Variants in FHL5 observed in about 807,000 individuals in gnomAD.
The protein encoded by FHL5 is four and a half LIM domains protein 5.
A neutral mutation model predicts 32.0 loss-of-function variants in FHL5; 33 were observed. The observed-to-expected ratio is 1.03, with a 90% CI of 0.78 to 1.38. FHL5 has a LOEUF of 1.38. Among genes scored for constraint, FHL5 ranks in the 40% most tolerant of loss-of-function variants. FHL5 has a pLI of 0.00. For missense variants in FHL5, 336 were observed against 343.9 expected, an observed-to-expected ratio of 0.98 and a Z score of 0.18; for synonymous variants, 114 against 113.6, an observed-to-expected ratio of 1.00 and a Z score of -0.02.
chr6:96,595,705 C>A (rs554916169), intron 1 of FHL5, among the ~76,000 whole-genome samples: 2 of 151,772 alleles, frequency 1.3e-5, no homozygotes, highest in South Asian at 4.2e-4. Flanking sequence ...TCAACTGATT[C>A]TAATCTGCAT....
At chr6:96,592,064 G>A (rs994069474) in intron 1 of FHL5, among the ~76,000 whole-genome samples, 10 of 152,136 alleles carry the variant, frequency 6.6e-5, no homozygotes, top group African/African-American at 2.2e-4. Flanking sequence ...TGCTAATGAA[G>A]TTTCGGGCAC....
At chr6:96,566,993 A>T (rs1216091641) in intron 1 of FHL5, among the ~76,000 whole-genome samples, 1 of 151,812 alleles carries the variant, frequency 6.6e-6, no homozygotes. Flanking sequence ...TTAGTTTGAC[A>T]TAATTTCATT....
chr6:96,583,500 C>T (rs142010776), intron 1 of FHL5, among the ~76,000 whole-genome samples: 89 of 152,192 alleles, frequency 5.8e-4, no homozygotes, highest in African/African-American at 2.0e-3. Context: ...TGTCACGATA[C>T]GGTAGCCTCC....
intron 1 of FHL5, among the ~76,000 whole-genome samples, chr6:96,577,176 T>C (rs1770601076): frequency 6.6e-6 from 1 of 152,192 alleles, no homozygotes; most frequent in Non-Finnish European, 1.5e-5. Context: ...ACCAACATCA[T>C]CAACAAATTT....
intron 3 of FHL5, among the ~76,000 whole-genome samples, chr6:96,605,157 C>T (rs987618716): frequency 6.6e-6 from 1 of 152,148 alleles, no homozygotes; most frequent in African/African-American, 2.4e-5. Flanking sequence ...TTCATAGAAA[C>T]ATTTCAAACC....
intron 1 of FHL5, among the ~76,000 whole-genome samples, chr6:96,578,413 G>A (rs1770627320): frequency 6.6e-6 from 1 of 152,180 alleles, no homozygotes; most frequent in South Asian, 2.1e-4. Context: ...AACGAGAAAT[G>A]TAAGTTGTCT....
At chr6:96,566,625 A>G (rs922226982) in intron 1 of FHL5, among the ~76,000 whole-genome samples, 2 of 151,906 alleles carry the variant, frequency 1.3e-5, no homozygotes, top group African/African-American at 4.8e-5. Flanking sequence ...CAAATAACAT[A>G]TAAGAGTTTG....
At chr6:96,600,991 C>G (rs138481627) in intron 1 of FHL5, among the ~76,000 whole-genome samples, 166 of 152,296 alleles carry the variant, frequency 1.1e-3, no homozygotes, top group Non-Finnish European at 2.1e-3. Context: ...TCACCCTACC[C>G]AACTCCCTGA....
chr6:96,586,558 T>C (rs1388613952), intron 1 of FHL5, among the ~76,000 whole-genome samples: 1 of 152,188 alleles, frequency 6.6e-6, no homozygotes, highest in East Asian at 1.9e-4. Context: ...TTATACTTTA[T>C]GTAAAGATAA....
intron 1 of FHL5, among the ~76,000 whole-genome samples, chr6:96,586,012 GA>G (rs1304520697): frequency 2.6e-5 from 4 of 152,120 alleles, no homozygotes; most frequent in Non-Finnish European, 5.9e-5. Context: ...GAAGAGAAAC[GA>G]GAGGGGAGAG....
At chr6:96,587,784 A>G (rs768891854) in intron 1 of FHL5, among the ~76,000 whole-genome samples, 18 of 152,224 alleles carry the variant, frequency 1.2e-4, no homozygotes, top group Non-Finnish European at 2.6e-4. Context: ...CATAATTCCT[A>G]ATAATAAACT....
intron 1 of FHL5, among the ~76,000 whole-genome samples, chr6:96,602,210 T>C (rs1161001423): frequency 2.0e-5 from 3 of 152,154 alleles, no homozygotes; most frequent in Non-Finnish European, 2.9e-5. Flanking sequence ...AACTCTGTTG[T>C]ATTATCGTTA....
intron 5 of FHL5, among the ~76,000 whole-genome samples, chr6:96,611,059 G>A: frequency 6.6e-6 from 1 of 152,204 alleles, no homozygotes; most frequent in East Asian, 1.9e-4. Flanking sequence ...GGTTAGTGCA[G>A]GCCTTCACGA....
Position 96,584,435 on chromosome 6 carries a change from A to ATGTGTG in FHL5, c.-12-19147_-12-19142dup, listed in dbSNP as rs141920939. Among the ~76,000 whole-genome samples the ATGTGTG allele has an allele frequency of 6.0e-3, 882 of 146,874 alleles. 6 individuals carry two copies. Among genetic ancestry groups the ATGTGTG allele is most frequent in the African/African-American group, 0.02 (807 of 39,918 alleles). On this transcript the variant is annotated intron_variant, in intron 1 of 5. Transcript: ENST00000450218. ...GAAGTGGCTGAAGCACAGGTGGGATATGTGTGTGTGTGTGTGTGTGTGTGT... is the reference window on the plus strand; with the variant it reads ...GAAGTGGCTGAAGCACAGGTGGGATATGTGTGTGTGTGTGTGTGTGTGTGTGTGTGT...
rs139091140 is a variant in FHL5, at chr6:96,604,923, T to C, written c.333T>C (p.Pro111=). The C allele has an allele frequency of 1.3e-6, 2 of 1,598,550 alleles. No homozygotes were observed. The highest frequency in any genetic ancestry group is 1.1e-5 in the South Asian group (1 of 88,826). The part of the protein sequence containing the change: ...KCFHCKRTIM[P]GSRKMEFKGN... ...TCCACTGCAAGAGGACCATCATGCC[T>C]GGTAGGGTCTCAAGGGGGCTCCTGT... The change falls in exon 3 of 6, where the codon CCT becomes CCC. Residue 111 remains proline, a splice_region_variant and synonymous_variant. Transcript: ENST00000450218.
chr6:96,614,514 C>T (rs938656180), intron 5 of FHL5, among the ~76,000 whole-genome samples: 2 of 152,082 alleles, frequency 1.3e-5, no homozygotes, highest in African/African-American at 4.8e-5. Flanking sequence ...GTTCATTATC[C>T]TATTTAAGAA....
chr6:96,596,050 C>A (rs1771027333), intron 1 of FHL5, among the ~76,000 whole-genome samples: 1 of 151,794 alleles, frequency 6.6e-6, no homozygotes, highest in Non-Finnish European at 1.5e-5. Flanking sequence ...ATGGGACATT[C>A]TTTCATAGAG....
intron 4 of FHL5, among the ~76,000 whole-genome samples, chr6:96,607,750 A>C (rs985601225): frequency 6.6e-6 from 1 of 152,060 alleles, no homozygotes; most frequent in Non-Finnish European, 1.5e-5. Context: ...TGGAAAGCCA[A>C]GGTGGGAAGA....
At position 96,615,663 on chromosome 6, in the gene FHL5, G is replaced by T. The variant is rs1393346318; in HGVS notation, c.746G>T (p.Cys249Phe). 1 of 1,613,250 alleles carries T rather than the reference G, an allele frequency of 6.2e-7. No individual in the cohort carries two copies. Among genetic ancestry groups the T allele is most frequent in the Admixed American group, 1.7e-5 (1 of 59,916 alleles). ...CFQDSQWHSE[C>F]FNCGKCSVSL... Reference sequence around the variant, plus strand: ...CAAGACAGCCAGTGGCATAGCGAATGCTTTAACTGCGGGAAATGCTCTGTC... The same window carrying T: ...CAAGACAGCCAGTGGCATAGCGAATTCTTTAACTGCGGGAAATGCTCTGTC... The change falls in exon 6 of 6, where the codon TGC (cysteine) becomes TTC (phenylalanine). Residue 249 changes from cysteine (C) to phenylalanine (F), a missense_variant. By Grantham distance (205) the Cys-to-Phe change is radical (BLOSUM62 -2). Coordinates refer to ENST00000450218, the MANE Select transcript of FHL5 (RefSeq NM_001322466.2).
Sources: allele counts gnomAD v4.1 joint callset (sites outside exome capture counted in the v4.1 genomes callset), GRCh38; gene constraint gnomAD v4.1.1; transcripts MANE v1.5; gene names NCBI Gene and HGNC (gene_info 2026-07-23, HGNC 2026-07-21).